DPP10: variants seen among roughly 807,000 people sequenced by gnomAD.
The protein encoded by DPP10 is inactive dipeptidyl peptidase 10.
A neutral mutation model predicts 120.9 loss-of-function variants in DPP10; 33 were observed. The ratio of observed to expected loss-of-function variants is 0.27; its 90% CI spans 0.21 to 0.37. The LOEUF is 0.37. Ranked by LOEUF, DPP10 falls within the 10% of genes least tolerant of loss-of-function variation. The pLI is 1.00. For missense variants in DPP10, 816 were observed against 942.8 expected (o/e 0.87, Z 1.76); for synonymous variants, 337 against 326.1 (o/e 1.03, Z -0.36).
At chr2:115,133,145 G>GTGTA (rs1338395575) in intron 1 of DPP10, among the ~76,000 whole-genome samples, 740 of 28,718 alleles carry the variant, frequency 0.026, 9 homozygotes, top group Non-Finnish European at 0.035. Flanking sequence ...GTGTGTGTGT[G>GTGTA]TATATATATA....
At chr2:115,535,281 AT>A (rs1240160660) in intron 5 of DPP10, among the ~76,000 whole-genome samples, 1 of 145,990 alleles carries the variant, frequency 6.8e-6, no homozygotes, top group Admixed American at 6.9e-5. Flanking sequence ...TCTTGAATTG[AT>A]TTTTTTATAA....
At chr2:115,701,230 T>G (rs2091875300) in intron 7 of DPP10, among the ~76,000 whole-genome samples, 1 of 152,056 alleles carries the variant, frequency 6.6e-6, no homozygotes, top group African/African-American at 2.4e-5. Context: ...ATAAATTAAC[T>G]GTGCTGGTAC....
chr2:115,605,669 G>A (rs1172166572), intron 5 of DPP10, among the ~76,000 whole-genome samples: 1 of 151,960 alleles, frequency 6.6e-6, no homozygotes, highest in Non-Finnish European at 1.5e-5. Context: ...AGCCAAGAAT[G>A]TTCCTATCTT....
intron 21 of DPP10, among the ~76,000 whole-genome samples, chr2:115,823,120 C>T (rs904158221): frequency 6.6e-6 from 1 of 152,060 alleles, no homozygotes; most frequent in African/African-American, 2.4e-5. Flanking sequence ...TGCTGTCTCT[C>T]AGTCATGGTG....
At chr2:114,794,845 G>A (rs908604444) in intron 1 of DPP10, among the ~76,000 whole-genome samples, 8 of 152,014 alleles carry the variant, frequency 5.3e-5, no homozygotes, top group African/African-American at 1.5e-4. Flanking sequence ...TTTCATTCGC[G>A]TTATTAAACA....
intron 1 of DPP10, among the ~76,000 whole-genome samples, chr2:115,099,062 A>G (rs995867296): frequency 1.3e-5 from 2 of 151,276 alleles, no homozygotes; most frequent in African/African-American, 4.9e-5. Context: ...AGGCGGGCGG[A>G]TCACTTGAGG....
chr2:114,551,535 G>C (rs1338844233), intron 1 of DPP10, among the ~76,000 whole-genome samples: 1 of 152,186 alleles, frequency 6.6e-6, no homozygotes, highest in Non-Finnish European at 1.5e-5. Flanking sequence ...TGAGGCTCCA[G>C]GCTGAGAGAA....
At chr2:115,132,532 C>G (rs1270051656) in intron 1 of DPP10, among the ~76,000 whole-genome samples, 1 of 152,128 alleles carries the variant, frequency 6.6e-6, no homozygotes, top group African/African-American at 2.4e-5. Context: ...TGATGTTATA[C>G]TAGAATCAGG....
In DPP10 at chr2:115,443,806, C is replaced by G. The variant is rs569097283; in HGVS notation, c.272-55704C>G. On this transcript the variant is annotated intron_variant, in intron 3 of 25. Coordinates refer to ENST00000410059, the MANE Select transcript of DPP10 (RefSeq NM_020868.6). ...TTGCTCAAGATTGAGAATAGCTGTT[C>G]TAGGTCAGAGTTTCTCAACTTGAGC... 3.3e-5 allele frequency among the ~76,000 whole-genome samples: 5 copies of G among 152,202 alleles called. No homozygotes were observed. In the South Asian group the frequency reaches 8.3e-4, roughly 25 times the overall value.
At chr2:114,866,234 T>C (rs867907685) in intron 1 of DPP10, among the ~76,000 whole-genome samples, 11 of 152,122 alleles carry the variant, frequency 7.2e-5, no homozygotes, top group Middle Eastern at 3.4e-3. Context: ...CTACATTTTC[T>C]CTCATCTTTG....
chr2:115,424,389 A>T (rs1329556365), intron 3 of DPP10, among the ~76,000 whole-genome samples: 1 of 152,046 alleles, frequency 6.6e-6, no homozygotes, highest in Non-Finnish European at 1.5e-5. Context: ...ACTTTCAAAC[A>T]TTTAATTTTA....
At chr2:115,542,267 A>G (rs1354206724) in intron 5 of DPP10, among the ~76,000 whole-genome samples, 1 of 151,884 alleles carries the variant, frequency 6.6e-6, no homozygotes, top group Non-Finnish European at 1.5e-5. Flanking sequence ...ATTTCTGGCA[A>G]CCCGTTTTCC....
intron 2 of DPP10, among the ~76,000 whole-genome samples, chr2:115,324,147 G>A (rs184879595): frequency 1.3e-3 from 201 of 152,190 alleles, no homozygotes; most frequent in African/African-American, 4.6e-3. Context: ...AGGGTGTCAC[G>A]TGCCTATAGT....
intron 1 of DPP10, among the ~76,000 whole-genome samples, chr2:114,755,951 T>TAAAA (rs57668109): frequency 1.5e-5 from 2 of 129,734 alleles, no homozygotes; most frequent in Non-Finnish European, 1.6e-5. Flanking sequence ...AGGAAGAAAT[T>TAAAA]AAAAAAAAAA....
intron 3 of DPP10, among the ~76,000 whole-genome samples, chr2:115,461,466 A>T (rs1156354658): frequency 6.6e-6 from 1 of 152,144 alleles, no homozygotes; most frequent in African/African-American, 2.4e-5. Context: ...CATGGTGACT[A>T]TAGTTAACCG....
At chr2:115,608,670 T>A (rs936212254) in intron 5 of DPP10, among the ~76,000 whole-genome samples, 2 of 152,140 alleles carry the variant, frequency 1.3e-5, no homozygotes, top group African/African-American at 4.8e-5. Context: ...TCTTAAATAT[T>A]AATGGATATT....
chr2:115,705,499 G>A (rs1040943082), intron 7 of DPP10, among the ~76,000 whole-genome samples: 1 of 151,860 alleles, frequency 6.6e-6, no homozygotes, highest in African/African-American at 2.4e-5. Context: ...AGCTTTAATG[G>A]AAGTAGATGA....
intron 5 of DPP10, among the ~76,000 whole-genome samples, chr2:115,643,057 A>T (rs1481336354): frequency 5.9e-5 from 9 of 152,136 alleles, no homozygotes; most frequent in Non-Finnish European, 2.9e-5. Context: ...ATTATTTAAC[A>T]TGCATTAAAG....
chr2:115,414,767 C>T (rs1408793134), intron 3 of DPP10, among the ~76,000 whole-genome samples: 2 of 152,046 alleles, frequency 1.3e-5, no homozygotes, highest in African/African-American at 4.8e-5. Flanking sequence ...AAAGAAAAAT[C>T]CAAAGGGAAA....
Sources: allele counts gnomAD v4.1 joint callset (sites outside exome capture counted in the v4.1 genomes callset), GRCh38; gene constraint gnomAD v4.1.1; transcripts MANE v1.5; gene names NCBI Gene and HGNC (gene_info 2026-07-23, HGNC 2026-07-21).